The following SCAF8 variants were observed in gnomAD, a reference collection of about 807,000 sequenced individuals.
The protein encoded by SCAF8 is SR-related and CTD-associated factor 8.
SCAF8 carries 23 observed loss-of-function variants against 140.5 expected under a neutral mutation model. The ratio of observed to expected loss-of-function variants is 0.16; its 90% CI spans 0.12 to 0.23. The LOEUF is 0.23. SCAF8 is among the 10% of genes least tolerant of loss of function. SCAF8 has a pLI of 1.00. For missense variants in SCAF8, 1,397 were observed against 1,555.7 expected (o/e 0.90, Z 1.72); for synonymous variants, 575 against 528.9 (o/e 1.09, Z -1.20).
At chr6:154,812,174 GC>G (rs1431736086) in intron 12 of SCAF8, among the ~76,000 whole-genome samples, 1 of 120,212 alleles carries the variant, frequency 8.3e-6, no homozygotes, top group Non-Finnish European at 1.6e-5. Flanking sequence ...TGAAGATACT[GC>G]CTTTTTTTTT....
At chr6:154,817,091 C>G (rs947763346) in intron 13 of SCAF8, among the ~76,000 whole-genome samples, 7 of 152,152 alleles carry the variant, frequency 4.6e-5, no homozygotes, top group Non-Finnish European at 2.9e-5. Flanking sequence ...CATATACTTT[C>G]TCTGAAGTTT....
chr6:154,796,389 C>CTCTCTCTCTCTCTCTGTCTGTCTG lies in SCAF8; in HGVS notation c.606+1253_606+1254insCTCTCTCTCTCTGTCTGTCTGTCT, dbSNP rs376622207. Among the ~76,000 whole-genome samples the CTCTCTCTCTCTCTCTGTCTGTCTG allele has an allele frequency of 6.0e-4, 84 of 141,060 alleles. 1 individual carries two copies. The highest frequency in any genetic ancestry group is 2.2e-3 in the African/African-American group (79 of 36,378). 92.5% of individuals were successfully genotyped at this position (141,060 alleles called of 152,430 possible). A position where few individuals can be genotyped will look rare whatever the true frequency, so the allele number is the denominator to read the frequency against. On this transcript the variant is annotated intron_variant, in intron 6 of 19. Transcript: ENST00000367178. ...TCTCTCTCTCTCTCTCTCTCTCTCTCTCTGTCTCTCTCTTTTTCTGACCCT... is the reference window on the plus strand; with the variant it reads ...TCTCTCTCTCTCTCTCTCTCTCTCTCTCTCTCTCTCTCTCTGTCTGTCTGTCTGTCTCTCTCTTTTTCTGACCCT...
intron 14 of SCAF8, among the ~76,000 whole-genome samples, chr6:154,819,198 A>G (rs1778342881): frequency 6.6e-6 from 1 of 152,158 alleles, no homozygotes; most frequent in African/African-American, 2.4e-5. Context: ...AACTACTTTC[A>G]TTAAAGTTAA....
At chr6:154,804,308 T>C (rs1448332126) in intron 8 of SCAF8, among the ~76,000 whole-genome samples, 1 of 152,204 alleles carries the variant, frequency 6.6e-6, no homozygotes, top group African/African-American at 2.4e-5. Context: ...TAGATACAAA[T>C]GTATCATTTT....
At chr6:154,823,444 T>G (rs1349090018) in intron 16 of SCAF8, among the ~76,000 whole-genome samples, 9 of 152,128 alleles carry the variant, frequency 5.9e-5, no homozygotes, top group Non-Finnish European at 1.2e-4. Context: ...TCTATTGCAC[T>G]GGAGGTAATG....
intron 1 of SCAF8, among the ~76,000 whole-genome samples, chr6:154,745,379 T>A (rs942725487): frequency 2.6e-5 from 4 of 151,720 alleles, no homozygotes; most frequent in African/African-American, 4.9e-5. Flanking sequence ...TTGTTTATTA[T>A]TTTTTTTTAA....
chr6:154,826,849 T>C lies in SCAF8; in HGVS notation c.2072-323T>C, dbSNP rs115475600. Among the ~76,000 whole-genome samples the C allele has an allele frequency of 5.7e-3, 872 of 152,282 alleles. 14 individuals carry two copies. Among genetic ancestry groups the C allele is most frequent in the African/African-American group, 0.02 (827 of 41,560 alleles). The stretch of plus-strand genomic sequence containing the variant: ...CTAGTGAGTAAACACACGTATCAAA[T>C]AAGTAAAATGGCATATATAAACAGT... On this transcript the variant is annotated intron_variant, in intron 17 of 19. Coordinates refer to ENST00000367178, the MANE Select transcript of SCAF8 (RefSeq NM_014892.5).
At chr6:154,765,723 G>A (rs759625089) in intron 1 of SCAF8, among the ~76,000 whole-genome samples, 11 of 152,116 alleles carry the variant, frequency 7.2e-5, no homozygotes, top group Non-Finnish European at 1.3e-4. Context: ...ATCAGTAAAT[G>A]ACACTATTGT....
intron 1 of SCAF8, among the ~76,000 whole-genome samples, chr6:154,748,431 T>C (rs965560810): frequency 6.6e-6 from 1 of 152,200 alleles, no homozygotes; most frequent in African/African-American, 2.4e-5. Context: ...TAAATGTTAA[T>C]AAAAGCTCAA....
chr6:154,785,312 ATATG>A (rs1425283805), intron 3 of SCAF8, among the ~76,000 whole-genome samples: 6 of 152,238 alleles, frequency 3.9e-5, no homozygotes, highest in African/African-American at 7.2e-5. Context: ...TAATATTTAC[ATATG>A]TAAGGTAATA....
At chr6:154,799,137 C>T (rs1006589459) in intron 6 of SCAF8, among the ~76,000 whole-genome samples, 3 of 150,762 alleles carry the variant, frequency 2.0e-5, no homozygotes, top group African/African-American at 7.3e-5. Flanking sequence ...GCCACCACGC[C>T]GAGCTAATTT....
intron 5 of SCAF8, 124 bp downstream of exon 5, chr6:154,793,100 A>T (rs1777472123): frequency 1.8e-6 from 1 of 562,346 alleles, no homozygotes; most frequent in African/African-American, 1.9e-5. Flanking sequence ...ATTGAAAGAA[A>T]ATATTTGTAG....
At chr6:154,759,920 C>T (rs558401431) in intron 1 of SCAF8, among the ~76,000 whole-genome samples, 26 of 152,210 alleles carry the variant, frequency 1.7e-4, no homozygotes, top group Non-Finnish European at 3.1e-4. Context: ...CCTCCCACCT[C>T]GGCCTCCCAA....
intron 6 of SCAF8, among the ~76,000 whole-genome samples, chr6:154,799,865 AC>A (rs1457754180): frequency 6.6e-6 from 1 of 151,006 alleles, no homozygotes; most frequent in Admixed American, 6.6e-5. Context: ...GCTCATTGCA[AC>A]CTTGGCCTCC....
chr6:154,791,887 T>C (rs978230958), intron 4 of SCAF8, among the ~76,000 whole-genome samples: 1 of 152,022 alleles, frequency 6.6e-6, no homozygotes, highest in South Asian at 2.1e-4. Flanking sequence ...TGAGACTCTT[T>C]ATGAGGAATA....
At chr6:154,798,067 T>C (rs1300261291) in intron 6 of SCAF8, among the ~76,000 whole-genome samples, 3 of 151,474 alleles carry the variant, frequency 2.0e-5, no homozygotes, top group Admixed American at 2.0e-4. Flanking sequence ...TACTTTGACC[T>C]GCAGTGTTTG....
At chr6:154,772,795 A>C (rs1484824364) in intron 1 of SCAF8, among the ~76,000 whole-genome samples, 2 of 151,954 alleles carry the variant, frequency 1.3e-5, no homozygotes, top group East Asian at 3.9e-4. Flanking sequence ...CTCCCTCTGG[A>C]GTCTCCCAGG....
At chr6:154,793,838 A>AAAAAG (rs1554261617) in intron 5 of SCAF8, among the ~76,000 whole-genome samples, 1 of 149,728 alleles carries the variant, frequency 6.7e-6, no homozygotes, top group African/African-American at 2.5e-5. Flanking sequence ...AAAAAAAAAA[A>AAAAAG]ATTTTTTTAA....
intron 1 of SCAF8, among the ~76,000 whole-genome samples, chr6:154,745,150 G>A (rs956695562): frequency 2.0e-5 from 3 of 152,030 alleles, no homozygotes; most frequent in Non-Finnish European, 2.9e-5. Context: ...GAATCAATTG[G>A]TTACTCCTCT....
Sources: allele counts gnomAD v4.1 joint callset (sites outside exome capture counted in the v4.1 genomes callset), GRCh38; gene constraint gnomAD v4.1.1; transcripts MANE v1.5; gene names NCBI Gene and HGNC (gene_info 2026-07-23, HGNC 2026-07-21).